RANBP17: variants seen among roughly 807,000 people sequenced by gnomAD.
RANBP17 encodes the protein RAN binding protein 17, also known as ran-binding protein 17.
RANBP17 carries 158 observed loss-of-function variants against 141.2 expected under a neutral mutation model. That is an observed-to-expected ratio of 1.12 (90% confidence interval 0.98 to 1.28). The LOEUF (loss-of-function observed/expected upper bound fraction) is 1.28, where lower values mean the gene tolerates loss of function less well. Among genes scored for constraint, RANBP17 ranks in the 50% most tolerant of loss-of-function variants. RANBP17 has a pLI of 0.00. For synonymous variants in RANBP17, 430 were observed against 450.0 expected, an observed-to-expected ratio of 0.96 and a Z score of 0.56; for missense variants, 1,438 against 1,290.7, an observed-to-expected ratio of 1.11 and a Z score of -1.75.
chr5:171,146,401 A>T (rs1758030585), intron 14 of RANBP17, among the ~76,000 whole-genome samples: 1 of 152,202 alleles, frequency 6.6e-6, no homozygotes, highest in African/African-American at 2.4e-5. Context: ...GCTTCACAAC[A>T]ATCATGTAGG....
At chr5:171,183,982 T>A (rs1761048492) in intron 18 of RANBP17, among the ~76,000 whole-genome samples, 1 of 152,174 alleles carries the variant, frequency 6.6e-6, no homozygotes, top group Non-Finnish European at 1.5e-5. Context: ...ATCATGTATG[T>A]TGGGGATGGG....
At chr5:171,063,365 C>G (rs188590951) in intron 14 of RANBP17, among the ~76,000 whole-genome samples, 1 of 152,150 alleles carries the variant, frequency 6.6e-6, no homozygotes, top group Non-Finnish European at 1.5e-5. Context: ...TGTTTGTTAG[C>G]TTTCCTTCTA....
chr5:171,089,981 A>G (rs1370805119), intron 14 of RANBP17, among the ~76,000 whole-genome samples: 4 of 152,182 alleles, frequency 2.6e-5, no homozygotes, highest in African/African-American at 9.6e-5. Flanking sequence ...CTTCGTGGTT[A>G]TGTCTTTATC....
intron 5 of RANBP17, among the ~76,000 whole-genome samples, chr5:170,905,581 C>A (rs1038940015): frequency 8.5e-5 from 13 of 152,082 alleles, no homozygotes; most frequent in Admixed American, 2.6e-4. Context: ...CCTGAGTCCT[C>A]CACCCCAGAG....
At chr5:171,240,464 A>T (rs563991464) in intron 22 of RANBP17, among the ~76,000 whole-genome samples, 1 of 152,322 alleles carries the variant, frequency 6.6e-6, no homozygotes, top group African/African-American at 2.4e-5. Flanking sequence ...GCTCCTAAAA[A>T]TGAAGTAACT....
At chr5:171,074,913 A>G (rs1784825713) in intron 14 of RANBP17, among the ~76,000 whole-genome samples, 1 of 152,184 alleles carries the variant, frequency 6.6e-6, no homozygotes, top group Non-Finnish European at 1.5e-5. Context: ...TCTCTGCTTT[A>G]GATGCTGGGA....
intron 14 of RANBP17, among the ~76,000 whole-genome samples, chr5:171,122,053 G>A (rs1307424800): frequency 1.3e-5 from 2 of 152,154 alleles, no homozygotes; most frequent in African/African-American, 4.8e-5. Flanking sequence ...TGGCATTGGG[G>A]GCTGGTGGGG....
chr5:170,966,897 A>G (rs1275926801), intron 13 of RANBP17, among the ~76,000 whole-genome samples: 1 of 152,306 alleles, frequency 6.6e-6, no homozygotes, highest in South Asian at 2.1e-4. Context: ...TTACACACCA[A>G]TAACAGACAA....
chr5:171,268,385 T>C (rs1766872874), intron 25 of RANBP17, among the ~76,000 whole-genome samples: 1 of 152,104 alleles, frequency 6.6e-6, no homozygotes, highest in South Asian at 2.1e-4. Context: ...AACTGGAAAG[T>C]GGTAGAGTTG....
At chr5:170,940,070 T>C (rs1774205521) in intron 12 of RANBP17, among the ~76,000 whole-genome samples, 1 of 152,160 alleles carries the variant, frequency 6.6e-6, no homozygotes, top group Non-Finnish European at 1.5e-5. Context: ...CCAATAAACA[T>C]AAATGAGTTA....
chr5:171,211,808 T>A (rs911529538), intron 20 of RANBP17, among the ~76,000 whole-genome samples: 1 of 152,138 alleles, frequency 6.6e-6, no homozygotes, highest in Non-Finnish European at 1.5e-5. Context: ...TTAGGAAGCA[T>A]ACCACTCTTA....
At chr5:171,065,590 C>T (rs1010950966) in intron 14 of RANBP17, among the ~76,000 whole-genome samples, 5 of 151,998 alleles carry the variant, frequency 3.3e-5, no homozygotes, top group South Asian at 2.1e-4. Flanking sequence ...GATCCCTCCC[C>T]GCCCTACACT....
intron 14 of RANBP17, among the ~76,000 whole-genome samples, chr5:171,010,963 C>T (rs894914036): frequency 5.3e-5 from 8 of 151,962 alleles, no homozygotes; most frequent in African/African-American, 4.8e-5. Flanking sequence ...ATTTCACTGA[C>T]GAATTCTATC....
rs750420555 is a variant in RANBP17, at chr5:171,170,113, G to A, written c.1711-17G>A. 3.5e-6 allele frequency: 5 copies of A among 1,409,048 alleles called. No homozygotes were observed. Among genetic ancestry groups the A allele is most frequent in the Non-Finnish European group, 3.9e-6 (4 of 1,028,934 alleles). The allele number at this position is 1,409,048 out of a possible 1,614,324, so 87.3% of individuals were successfully genotyped here. A position where few individuals can be genotyped will look rare whatever the true frequency, so the allele number is the denominator to read the frequency against. ...TGTTAATAGTAAAACTTTTAACAAT[G>A]AAATGTTTTAATGCAGGTATATGCT... is the stretch of plus-strand genomic sequence containing the variant. On this transcript the variant is annotated splice_polypyrimidine_tract_variant and intron_variant, in intron 14 of 27. Coordinates refer to ENST00000523189, the MANE Select transcript of RANBP17 (RefSeq NM_022897.5).
chr5:170,916,717 CTTTTTT>C, intron 9 of RANBP17, 133 bp downstream of exon 9: 1 of 257,744 alleles, frequency 3.9e-6, no homozygotes. Context: ...TTCCTTAGAG[CTTTTTT>C]TTTTTTTTTT....
intron 2 of RANBP17, among the ~76,000 whole-genome samples, chr5:170,879,099 A>G (rs1307735491): frequency 2.0e-5 from 3 of 152,102 alleles, no homozygotes; most frequent in Non-Finnish European, 4.4e-5. Context: ...TATCATCATC[A>G]TTGATTGCAG....
intron 20 of RANBP17, among the ~76,000 whole-genome samples, chr5:171,209,511 T>C (rs917394108): frequency 2.0e-5 from 3 of 152,204 alleles, no homozygotes; most frequent in Non-Finnish European, 4.4e-5. Context: ...GTTTTATTTC[T>C]GTGCCAGACA....
chr5:171,000,587 GT>G (rs1164864676), intron 14 of RANBP17, among the ~76,000 whole-genome samples: 2 of 152,124 alleles, frequency 1.3e-5, no homozygotes, highest in Non-Finnish European at 2.9e-5. Flanking sequence ...TGTCATGCGC[GT>G]CCGTGTGAAG....
intron 14 of RANBP17, among the ~76,000 whole-genome samples, chr5:171,060,906 C>T (rs934392702): frequency 1.3e-5 from 2 of 151,768 alleles, no homozygotes; most frequent in African/African-American, 4.8e-5. Context: ...GTGTATGTGT[C>T]GAGGAATTTA....
Sources: allele counts gnomAD v4.1 joint callset (sites outside exome capture counted in the v4.1 genomes callset), GRCh38; gene constraint gnomAD v4.1.1; transcripts MANE v1.5; gene names NCBI Gene and HGNC (gene_info 2026-07-23, HGNC 2026-07-21).